Variants in VOPP1 observed in about 807,000 individuals in gnomAD.
VOPP1 encodes the protein VOPP1 WW domain binding protein.
Under a neutral mutation model 23.5 loss-of-function variants are expected in VOPP1, and 8 were observed. The observed-to-expected ratio is 0.34, with a 90% CI of 0.20 to 0.61. VOPP1 has a LOEUF of 0.61. Among genes scored for constraint, VOPP1 ranks in the 20% least tolerant of loss-of-function variants. VOPP1 has a pLI of 0.78. For synonymous variants in VOPP1, 83 were observed against 97.3 expected (o/e 0.85, Z 0.86); for missense variants, 174 against 238.1 (o/e 0.73, Z 1.77).
At chr7:55,556,215 G>C (rs1797797357) in intron 1 of VOPP1, among the ~76,000 whole-genome samples, 1 of 152,186 alleles carries the variant, frequency 6.6e-6, no homozygotes, top group Non-Finnish European at 1.5e-5. Flanking sequence ...GTGAGTGCAG[G>C]CTACCTAGCA....
chr7:55,570,879 T>C (rs892413752), intron 1 of VOPP1, among the ~76,000 whole-genome samples: 6 of 151,904 alleles, frequency 3.9e-5, no homozygotes, highest in African/African-American at 1.5e-4. Flanking sequence ...GAGGCGGAGA[T>C]TGCAGTGAGC....
At chr7:55,538,484 G>T in intron 1 of VOPP1, 1 of 740,282 alleles carries the variant, frequency 1.4e-6, no homozygotes, top group Non-Finnish European at 2.1e-6. Flanking sequence ...CTTCCTGCCA[G>T]GCTACACAAA....
At chr7:55,548,965 C>T (rs1484801353) in intron 1 of VOPP1, among the ~76,000 whole-genome samples, 1 of 152,118 alleles carries the variant, frequency 6.6e-6, no homozygotes, top group Non-Finnish European at 1.5e-5. Context: ...CCAGGGTGAC[C>T]ACAGTGAGAC....
chr7:55,440,784 G>A (rs768092680), intron 4 of VOPP1, among the ~76,000 whole-genome samples: 8 of 152,178 alleles, frequency 5.3e-5, no homozygotes, highest in Non-Finnish European at 7.3e-5. Context: ...GAGACAGGCC[G>A]GATGTATTTA....
intron 2 of VOPP1, among the ~76,000 whole-genome samples, chr7:55,515,592 C>A (rs943532954): frequency 1.3e-5 from 2 of 152,234 alleles, no homozygotes; most frequent in African/African-American, 4.8e-5. Context: ...CACAGCAACC[C>A]AGTGCAGCAG....
At chr7:55,467,307 T>G (rs975203177), downstream of VOPP1, among the ~76,000 whole-genome samples, 1 of 152,182 alleles carries the variant, frequency 6.6e-6, no homozygotes, top group Non-Finnish European at 1.5e-5. Context: ...TCTGTGCACA[T>G]GGGGTGAGGG....
chr7:55,449,511 G>C (rs559275761), intron 4 of VOPP1, among the ~76,000 whole-genome samples: 1 of 152,246 alleles, frequency 6.6e-6, no homozygotes, highest in Non-Finnish European at 1.5e-5. Context: ...GGCCGGTCTC[G>C]GAGAAGGGCG....
chr7:55,545,500 T>C (rs57953434), intron 1 of VOPP1, among the ~76,000 whole-genome samples: 3,404 of 152,222 alleles, frequency 0.022, 144 homozygotes, highest in African/African-American at 0.077. Flanking sequence ...AGAAGCCTGC[T>C]CTCCCCATCC....
chr7:55,522,760 G>A (rs934709763), intron 1 of VOPP1, among the ~76,000 whole-genome samples: 39 of 152,294 alleles, frequency 2.6e-4, no homozygotes, highest in African/African-American at 8.2e-4. Flanking sequence ...CCACAGCCAC[G>A]CAGCGAGAGC....
At chr7:55,568,129 G>C (rs1346470085) in intron 1 of VOPP1, among the ~76,000 whole-genome samples, 1 of 141,618 alleles carries the variant, frequency 7.1e-6, no homozygotes, top group Non-Finnish European at 1.5e-5. Context: ...GCTCAGGCTG[G>C]AGTGCAGTGG....
chr7:55,500,458 G>A (rs1180017279), intron 2 of VOPP1, among the ~76,000 whole-genome samples: 4 of 152,140 alleles, frequency 2.6e-5, no homozygotes, highest in South Asian at 2.1e-4. Flanking sequence ...AAATCAATTC[G>A]GAGGACTCCA....
rs545267558 is a variant in VOPP1, at chr7:55,445,242, C to G, written n.418-9068G>C. Among the ~76,000 whole-genome samples, 40 of 129,424 alleles carry G rather than the reference C, an allele frequency of 3.1e-4. 2 individuals are homozygous for G. The East Asian group carries it at 8.7e-3, about 28-fold the overall frequency. The allele number at this position is 129,424 out of a possible 152,430, so 84.9% of individuals were successfully genotyped here. A position where few individuals can be genotyped will look rare whatever the true frequency, so the allele number is the denominator to read the frequency against. On this transcript the variant is annotated intron_variant and non_coding_transcript_variant, in intron 4 of 4. Transcript: ENST00000462326. ...ACACACACACACAGACACACACACA[C>G]AGACACACACACACACACACAGACA...
intron 4 of VOPP1, among the ~76,000 whole-genome samples, chr7:55,477,499 G>A (rs1471478608): frequency 6.6e-6 from 1 of 152,198 alleles, no homozygotes; most frequent in Admixed American, 6.5e-5. Context: ...CAAGGCCGTG[G>A]CTCCTGTCGA....
chr7:55,539,671 C>T (rs1304112423), intron 1 of VOPP1: 1 of 152,148 alleles, frequency 6.6e-6, no homozygotes, highest in East Asian at 1.9e-4. Flanking sequence ...CTCAACAGCC[C>T]CTGACACGGA....
chr7:55,539,040 A>AAGG (rs1554299112), intron 1 of VOPP1, among the ~76,000 whole-genome samples: 5 of 47,810 alleles, frequency 1.0e-4, no homozygotes, highest in African/African-American at 3.3e-4. Context: ...TTAAAAAAAA[A>AAGG]GGGGGGGGGG....
At chr7:55,504,402 C>T (rs376149484) in intron 2 of VOPP1, among the ~76,000 whole-genome samples, 1 of 152,212 alleles carries the variant, frequency 6.6e-6, no homozygotes, top group South Asian at 2.1e-4. Flanking sequence ...ACACAGAACC[C>T]TATAAAGTTT....
At chr7:55,563,140 AT>A (rs1378418010) in intron 1 of VOPP1, among the ~76,000 whole-genome samples, 3 of 151,946 alleles carry the variant, frequency 2.0e-5, no homozygotes, top group African/African-American at 4.8e-5. Flanking sequence ...GTCTTTTTAA[AT>A]TTTTTGGAGG....
chr7:55,444,200 T>C (rs1791040129), intron 4 of VOPP1, among the ~76,000 whole-genome samples: 1 of 152,212 alleles, frequency 6.6e-6, no homozygotes, highest in Admixed American at 6.5e-5. Context: ...GCTTGTCCCA[T>C]GTCATCAGCT....
intron 1 of VOPP1, among the ~76,000 whole-genome samples, chr7:55,531,350 A>AAT (rs1796485733): frequency 7.1e-6 from 1 of 141,040 alleles, no homozygotes. Flanking sequence ...CTAATCCAGA[A>AAT]TTTTTTTTTT....
Sources: gnomAD v4.1 joint callset for allele counts (sites outside exome capture counted in the v4.1 genomes callset) on GRCh38, gnomAD v4.1.1 for gene constraint, MANE v1.5 for transcripts, NCBI Gene and HGNC (gene_info 2026-07-23, HGNC 2026-07-21) for gene names.